SPTLC3: variants seen among roughly 807,000 people sequenced by gnomAD.
The protein encoded by SPTLC3 is serine palmitoyltransferase long chain base subunit 3.
A neutral mutation model predicts 59.3 loss-of-function variants in SPTLC3; 36 were observed. The ratio of observed to expected loss-of-function variants is 0.61; its 90% confidence interval spans 0.47 to 0.80. The LOEUF is 0.80. SPTLC3 is among the 30% of genes least tolerant of loss of function. The pLI is 0.00. For synonymous variants in SPTLC3, 257 were observed against 240.8 expected, an observed-to-expected ratio of 1.07 and a Z score of -0.62; for missense variants, 625 against 685.1, an observed-to-expected ratio of 0.91 and a Z score of 0.98.
At chr20:13,082,049 T>A (rs1240024966) in intron 4 of SPTLC3, among the ~76,000 whole-genome samples, 1 of 152,220 alleles carries the variant, frequency 6.6e-6, no homozygotes, top group Non-Finnish European at 1.5e-5. Flanking sequence ...TTTCTGCAAG[T>A]GTAGAATTTA....
At chr20:13,158,149 T>C (rs2038816556) in intron 10 of SPTLC3, among the ~76,000 whole-genome samples, 1 of 152,234 alleles carries the variant, frequency 6.6e-6, no homozygotes, top group Non-Finnish European at 1.5e-5. Flanking sequence ...GATGGTGTTA[T>C]ACAAGAGGTA....
intron 1 of SPTLC3, among the ~76,000 whole-genome samples, chr20:13,027,029 G>A (rs75253035): frequency 2.8e-4 from 43 of 152,020 alleles, no homozygotes; most frequent in Non-Finnish European, 4.0e-4. Context: ...TGCAGACCCC[G>A]GTGGAAGCGA....
intron 1 of SPTLC3, among the ~76,000 whole-genome samples, chr20:13,024,088 C>A (rs1192194745): frequency 6.6e-6 from 1 of 152,152 alleles, no homozygotes; most frequent in African/African-American, 2.4e-5. Context: ...AAGAACTTTA[C>A]AAAAACCAAC....
At chr20:13,151,495 G>T (rs768513815) in intron 9 of SPTLC3, among the ~76,000 whole-genome samples, 1 of 152,208 alleles carries the variant, frequency 6.6e-6, no homozygotes. Flanking sequence ...CAACCTGCCT[G>T]CTGGGAGCTG....
At chr20:13,132,335 C>A (rs1340438576) in intron 9 of SPTLC3, among the ~76,000 whole-genome samples, 3 of 151,868 alleles carry the variant, frequency 2.0e-5, no homozygotes, top group Admixed American at 2.0e-4. Context: ...CACCGCCACG[C>A]CCAGCTAATT....
At chr20:13,047,776 T>G (rs550181897) in intron 1 of SPTLC3, among the ~76,000 whole-genome samples, 1 of 152,224 alleles carries the variant, frequency 6.6e-6, no homozygotes, top group East Asian at 1.9e-4. Flanking sequence ...ATGAAAAATT[T>G]CAGACATACA....
intron 2 of SPTLC3, among the ~76,000 whole-genome samples, chr20:13,063,165 C>T (rs1988039087): frequency 6.6e-6 from 1 of 152,096 alleles, no homozygotes; most frequent in Non-Finnish European, 1.5e-5. Context: ...TTGCATTTTC[C>T]TGATTAATAG....
intron 4 of SPTLC3, chr20:13,079,854 C>A: frequency 4.5e-6 from 2 of 440,428 alleles, no homozygotes; most frequent in South Asian, 1.7e-5. Context: ...GGCAGGCACT[C>A]TTCCCTGTTG....
chr20:13,080,183 A>C (rs2122592148), intron 4 of SPTLC3, among the ~76,000 whole-genome samples: 1 of 152,306 alleles, frequency 6.6e-6, no homozygotes. Flanking sequence ...TCCCAATTTA[A>C]GAAATAGGAT....
chr20:13,111,624 A>G (rs1177809330), intron 7 of SPTLC3, among the ~76,000 whole-genome samples: 2 of 152,188 alleles, frequency 1.3e-5, no homozygotes, highest in African/African-American at 2.4e-5. Context: ...TCAAGCATGG[A>G]TCTTTTTCCC....
chr20:13,052,095 A>G lies in SPTLC3; in HGVS notation c.303+2965A>G, dbSNP rs1229957546. Among the ~76,000 whole-genome samples, 3 of 152,112 alleles carry G rather than the reference A, an allele frequency of 2.0e-5. No homozygotes were observed. In the East Asian group the frequency reaches 5.8e-4, roughly 30 times the overall value. On this transcript the variant is annotated intron_variant, in intron 2 of 11. Transcript: ENST00000399002. ...AGTGTGGCTGGCAAGATGGCCGAAC[A>G]GGAACAGCTGTGCTCTGCAGCTCCC... is the stretch of plus-strand genomic sequence containing the variant.
intron 6 of SPTLC3, among the ~76,000 whole-genome samples, chr20:13,103,985 C>T (rs1310572152): frequency 3.3e-5 from 5 of 152,160 alleles, no homozygotes; most frequent in Non-Finnish European, 5.9e-5. Context: ...TTTTCCAGAT[C>T]CAGGAGGCTT....
chr20:13,033,372 C>T (rs1986587361), intron 1 of SPTLC3, among the ~76,000 whole-genome samples: 1 of 152,108 alleles, frequency 6.6e-6, no homozygotes. Context: ...GACTCTGTTC[C>T]TCACATTTCT....
intron 9 of SPTLC3, among the ~76,000 whole-genome samples, chr20:13,134,884 A>G (rs1183353155): frequency 6.6e-6 from 1 of 152,218 alleles, no homozygotes; most frequent in African/African-American, 2.4e-5. Context: ...CAAAACATCA[A>G]CGCTGCCCTC....
chr20:13,020,606 T>C lies in SPTLC3; in HGVS notation c.117+11222T>C, dbSNP rs148368422. ...ATTTATTTTGCTGTAAAACTATTTT[T>C]ATATACTCTTTTAAAACTTTGAAGA... On this transcript the variant is annotated intron_variant, in intron 1 of 11. Transcript: ENST00000399002. Among the ~76,000 whole-genome samples, 428 of 152,286 alleles carry C rather than the reference T, an allele frequency of 2.8e-3. 2 individuals are homozygous for C. Among genetic ancestry groups the C allele is most frequent in the African/African-American group, 9.9e-3 (410 of 41,566 alleles).
At chr20:13,061,407 C>A (rs950560175) in intron 2 of SPTLC3, among the ~76,000 whole-genome samples, 1 of 152,154 alleles carries the variant, frequency 6.6e-6, no homozygotes, top group African/African-American at 2.4e-5. Context: ...CCTCCACCAC[C>A]TACCTGCTAT....
intron 1 of SPTLC3, among the ~76,000 whole-genome samples, chr20:13,023,023 A>C (rs528012300): frequency 5.3e-5 from 8 of 151,936 alleles, no homozygotes; most frequent in Non-Finnish European, 1.0e-4. Context: ...GGAGCCAGCC[A>C]CCCATGGCGT....
In SPTLC3 at chr20:13,164,880, T is replaced by A; in HGVS notation, c.*13T>A. The A allele has an allele frequency of 6.2e-7, 1 of 1,604,636 alleles. No homozygotes were observed. The highest frequency in any genetic ancestry group is 8.5e-7 in the Non-Finnish European group (1 of 1,173,404). On this transcript the variant is annotated 3_prime_UTR_variant, in exon 12 of 12. Transcript: ENST00000399002. ...ACTCGAAGATTAAGTTTCCTGGTCC[T>A]GAATGACACATAAAGACTTTGCGAG...
At chr20:13,055,020 G>A (rs534116234) in intron 2 of SPTLC3, among the ~76,000 whole-genome samples, 2 of 151,946 alleles carry the variant, frequency 1.3e-5, no homozygotes, top group Non-Finnish European at 2.9e-5. Flanking sequence ...CTAGGAAAGA[G>A]GCAGGTGGAA....
Sources: allele counts gnomAD v4.1 joint callset (sites outside exome capture counted in the v4.1 genomes callset), GRCh38; gene constraint gnomAD v4.1.1; transcripts MANE v1.5; gene names NCBI Gene and HGNC (gene_info 2026-07-23, HGNC 2026-07-21).